EIF4EBP2: variants seen among roughly 807,000 people sequenced by gnomAD.
EIF4EBP2 encodes the protein eukaryotic translation initiation factor 4E-binding protein 2.
A neutral mutation model predicts 10.3 loss-of-function variants in EIF4EBP2; 5 were observed. The observed-to-expected ratio is 0.48, with a 90% CI of 0.25 to 1.02. EIF4EBP2 has a LOEUF of 1.02. Among genes scored for constraint, EIF4EBP2 ranks in the 50% least tolerant of loss-of-function variants. EIF4EBP2 has a pLI of 0.15. For missense variants in EIF4EBP2, 188 were observed against 162.2 expected (o/e 1.16, Z -0.86); for synonymous variants, 67 against 61.1 (o/e 1.10, Z -0.45).
intron 1 of EIF4EBP2, among the ~76,000 whole-genome samples, chr10:70,417,121 T>G (rs1845105692): frequency 1.3e-5 from 2 of 152,236 alleles, no homozygotes; most frequent in Non-Finnish European, 2.9e-5. Flanking sequence ...AACTGATAAA[T>G]TGATAAGGTG....
At chr10:70,415,191 A>G (rs888080516) in intron 1 of EIF4EBP2, among the ~76,000 whole-genome samples, 1 of 152,046 alleles carries the variant, frequency 6.6e-6, no homozygotes, top group African/African-American at 2.4e-5. Context: ...AAAGAAAGCA[A>G]TCCCATTTAC....
At chr10:70,420,502 A>G (rs546614561) in intron 2 of EIF4EBP2, among the ~76,000 whole-genome samples, 4 of 152,178 alleles carry the variant, frequency 2.6e-5, no homozygotes, top group African/African-American at 9.6e-5. Context: ...TGCCTGGCCA[A>G]TTCTTCAGTT....
Position 70,423,361 on chromosome 10 carries a change from G to A in EIF4EBP2, c.*1614G>A, listed in dbSNP as rs1433801010. The A allele has an allele frequency of 2.0e-5, 3 of 152,566 alleles. No individual in the cohort carries two copies. Among genetic ancestry groups the A allele is most frequent in the South Asian group, 2.1e-4 (1 of 4,828 alleles). The allele number at this position is 152,566 out of a possible 1,614,324, so 9.5% of individuals were successfully genotyped here. Reference sequence around the variant, plus strand: ...AACTGGACCATTCTGCCTTGCTATGGGTTGTTCAAGAAAGCCTCATTCTTT... The same window carrying A: ...AACTGGACCATTCTGCCTTGCTATGAGTTGTTCAAGAAAGCCTCATTCTTT... On this transcript the variant is annotated 3_prime_UTR_variant, in exon 3 of 3. Coordinates refer to ENST00000373218, the MANE Select transcript of EIF4EBP2 (RefSeq NM_004096.5).
intron 2 of EIF4EBP2, 134 bp downstream of exon 2, chr10:70,420,233 T>G: frequency 1.2e-6 from 1 of 838,352 alleles, no homozygotes; most frequent in Non-Finnish European, 1.8e-6. Context: ...ACAGTCTCAT[T>G]CTGTCACTGA....
intron 1 of EIF4EBP2, among the ~76,000 whole-genome samples, chr10:70,407,188 A>T (rs531728953): frequency 1.3e-5 from 2 of 150,830 alleles, no homozygotes; most frequent in Non-Finnish European, 3.0e-5. Flanking sequence ...GTCACAGGAC[A>T]ATAGTGGAGG....
chr10:70,419,230 G>T (rs1009293064), intron 1 of EIF4EBP2, among the ~76,000 whole-genome samples: 1 of 152,174 alleles, frequency 6.6e-6, no homozygotes, highest in African/African-American at 2.4e-5. Context: ...TAATGTACCT[G>T]TTGACCATTT....
intron 2 of EIF4EBP2, among the ~76,000 whole-genome samples, chr10:70,420,679 G>C (rs1845146249): frequency 6.6e-6 from 1 of 152,188 alleles, no homozygotes; most frequent in South Asian, 2.1e-4. Context: ...TTTGAACCAT[G>C]CCTTAAGGAC....
chr10:70,421,795 G>T lies in EIF4EBP2; in HGVS notation c.*48G>T. 5 of 1,594,616 alleles carry T rather than the reference G, an allele frequency of 3.1e-6. No homozygotes were observed. Among genetic ancestry groups the T allele is most frequent in the Non-Finnish European group, 4.3e-6 (5 of 1,164,634 alleles). ...AAAGCAGCAACACTGATACTTGTGT[G>T]CACCTGATTTGGCCAATAGGATCAA... On this transcript the variant is annotated 3_prime_UTR_variant, in exon 3 of 3. Transcript: ENST00000373218.
At position 70,404,471 on chromosome 10, in the gene EIF4EBP2, A is replaced by G. The variant is rs747824544; in HGVS notation, c.70A>G (p.Ile24Val). 14 of 1,599,302 alleles carry G rather than the reference A, an allele frequency of 8.8e-6. No individual in the cohort carries two copies. The South Asian group carries it at 1.6e-4, about 18-fold the overall frequency. ...SRAIPTRTVAISDAAQLPHDY... is the reference protein window; with the variant it reads ...SRAIPTRTVAVSDAAQLPHDY... ...CGCCATCCCCACCCGCACCGTGGCC[A>G]TCAGCGACGCCGCGCAGCTACCTCA... is the stretch of plus-strand genomic sequence containing the variant. The change falls in exon 1 of 3, where the codon ATC (isoleucine) becomes GTC (valine). Residue 24 changes from isoleucine to valine, a missense_variant. Transcript: ENST00000373218.
rs1845162403 is a variant in EIF4EBP2, at chr10:70,422,011, C to G, written c.*264C>G. 1 of 442,348 alleles carries G rather than the reference C, an allele frequency of 2.3e-6. No homozygotes were observed. Among genetic ancestry groups the G allele is most frequent in the Non-Finnish European group, 4.0e-6 (1 of 246,934 alleles). 27.4% of individuals were successfully genotyped at this position (442,348 alleles called of 1,614,324 possible). A position where few individuals can be genotyped will look rare whatever the true frequency, so the allele number is the denominator to read the frequency against. On this transcript the variant is annotated 3_prime_UTR_variant, in exon 3 of 3. Transcript: ENST00000373218. ...CTGTATTTCTGTAGAGCTAAGCAGC[C>G]CTTAGAGGAAAACAGTTCAACTCTG... is the stretch of plus-strand genomic sequence containing the variant.
chr10:70,419,297 T>TG (rs1845130610), intron 1 of EIF4EBP2, among the ~76,000 whole-genome samples: 2 of 152,252 alleles, frequency 1.3e-5, no homozygotes, highest in Non-Finnish European at 2.9e-5. Flanking sequence ...TCAAAACTAT[T>TG]GTTTTTAAAA....
intron 1 of EIF4EBP2, among the ~76,000 whole-genome samples, chr10:70,411,528 A>G (rs935302936): frequency 6.6e-6 from 1 of 152,172 alleles, no homozygotes; most frequent in Non-Finnish European, 1.5e-5. Flanking sequence ...TCTCAGAGAA[A>G]CCATTTTAAA....
chr10:70,419,174 G>A (rs1397655568), intron 1 of EIF4EBP2, among the ~76,000 whole-genome samples: 1 of 152,132 alleles, frequency 6.6e-6, no homozygotes, highest in Non-Finnish European at 1.5e-5. Flanking sequence ...TCTCATTGTC[G>A]TTTTGATTTG....
In EIF4EBP2 at chr10:70,424,295, A is replaced by AT. The variant is rs1436510901; in HGVS notation, c.*2549dup. Reference sequence around the variant, plus strand: ...ATTTCTTGGGAGTGTCAGCTGTATAATGCAGCAGCTGTTCAATCCCTTACC... The same window carrying AT: ...ATTTCTTGGGAGTGTCAGCTGTATAATTGCAGCAGCTGTTCAATCCCTTACC... On this transcript the variant is annotated 3_prime_UTR_variant, in exon 3 of 3. Transcript: ENST00000373218. 1.6e-4 allele frequency: 25 copies of AT among 152,308 alleles called. No individual in the cohort carries two copies. Among genetic ancestry groups the AT allele is most frequent in the African/African-American group, 5.8e-4 (24 of 41,574 alleles). 9.4% of individuals were successfully genotyped at this position (152,308 alleles called of 1,614,324 possible).
Position 70,404,564 on chromosome 10 carries a change from G to T in EIF4EBP2, c.145+18G>T, listed in dbSNP as rs746980747. On this transcript the variant is annotated intron_variant, in intron 1 of 2. Transcript: ENST00000373218. ...ACCGGGAGGTGAGCGCCGGCCAGCC[G>T]TCCGCCGCGCCCGGTGTCCCGCCGC... 1 of 1,524,392 alleles carries T rather than the reference G, an allele frequency of 6.6e-7. No homozygotes were observed. Among genetic ancestry groups the T allele is most frequent in the South Asian group, 1.2e-5 (1 of 81,368 alleles). 94.4% of individuals were successfully genotyped at this position (1,524,392 alleles called of 1,614,324 possible). A position where few individuals can be genotyped will look rare whatever the true frequency, so the allele number is the denominator to read the frequency against.
chr10:70,409,015 G>A (rs1435187830), intron 1 of EIF4EBP2, among the ~76,000 whole-genome samples: 3 of 152,126 alleles, frequency 2.0e-5, no homozygotes, highest in Non-Finnish European at 4.4e-5. Flanking sequence ...TTGATGGACC[G>A]AATGCCCTAA....
At chr10:70,409,642 A>G (rs552250230) in intron 1 of EIF4EBP2, among the ~76,000 whole-genome samples, 26 of 152,278 alleles carry the variant, frequency 1.7e-4, no homozygotes, top group Admixed American at 4.6e-4. Context: ...AGACTTTTCT[A>G]CCTCTGGAAT....
rs1169739632 is a variant in EIF4EBP2 at position 70,404,493 on chromosome 10, C to T, written c.92C>T (p.Pro31Leu). ...TVAISDAAQL[P>L]HDYCTTPGGT... ...GCCATCAGCGACGCCGCGCAGCTAC[C>T]TCATGACTATTGCACCACGCCCGGG... The change falls in exon 1 of 3, where the codon CCT becomes CTT. Residue 31 changes from proline (P) to leucine (L), a missense_variant. By Grantham distance (98) the Pro-to-Leu change is moderately conservative. Transcript: ENST00000373218. The T allele has an allele frequency of 1.3e-6, 2 of 1,599,530 alleles. No individual in the cohort carries two copies. Among genetic ancestry groups the T allele is most frequent in the Non-Finnish European group, 1.7e-6 (2 of 1,175,286 alleles).
At chr10:70,413,815 G>A (rs1207774956) in intron 1 of EIF4EBP2, among the ~76,000 whole-genome samples, 1 of 151,952 alleles carries the variant, frequency 6.6e-6, no homozygotes, top group Admixed American at 6.6e-5. Flanking sequence ...ATGGAAAATT[G>A]TTTTTTAATT....
Sources: gnomAD v4.1 joint callset for allele counts (sites outside exome capture counted in the v4.1 genomes callset) on GRCh38, gnomAD v4.1.1 for gene constraint, MANE v1.5 for transcripts, NCBI Gene and HGNC (gene_info 2026-07-23, HGNC 2026-07-21) for gene names.